The following PHACTR1 variants were observed in gnomAD, a reference collection of about 807,000 sequenced individuals.
PHACTR1 encodes the protein RPEL repeat containing 1.
A neutral mutation model predicts 69.2 loss-of-function variants in PHACTR1; 16 were observed. The observed-to-expected ratio is 0.23, with a 90% CI of 0.16 to 0.35. PHACTR1 has a LOEUF of 0.35. PHACTR1 is among the 10% of genes least tolerant of loss of function. The probability of loss-of-function intolerance (pLI) is 1.00; values close to 1 mark genes in which losing one functional copy is unlikely to be tolerated. For synonymous variants in PHACTR1, 312 were observed against 284.5 expected (o/e 1.10, Z -0.97); for missense variants, 510 against 734.7 (o/e 0.69, Z 3.54).
chr6:12,769,994 T>G (rs1253076038), intron 4 of PHACTR1, among the ~76,000 whole-genome samples: 1 of 152,206 alleles, frequency 6.6e-6, no homozygotes, highest in Non-Finnish European at 1.5e-5. Context: ...ACATAAAAGA[T>G]GTGATATACC....
intron 4 of PHACTR1, among the ~76,000 whole-genome samples, chr6:12,890,571 G>T (rs1275580819): frequency 6.6e-6 from 1 of 152,104 alleles, no homozygotes; most frequent in Admixed American, 6.5e-5. Context: ...GGGCCACCTT[G>T]TTCCTGAACA....
At chr6:12,959,914 A>G (rs1792471342) in intron 4 of PHACTR1, among the ~76,000 whole-genome samples, 1 of 152,240 alleles carries the variant, frequency 6.6e-6, no homozygotes, top group Non-Finnish European at 1.5e-5. Flanking sequence ...AGTGTGAGAA[A>G]CAGTCTGAGA....
intron 10 of PHACTR1, among the ~76,000 whole-genome samples, chr6:13,244,911 A>C (rs1773384272): frequency 6.6e-6 from 1 of 152,240 alleles, no homozygotes; most frequent in Non-Finnish European, 1.5e-5. Flanking sequence ...GGAAGTGATA[A>C]GTGTCCATGA....
intron 4 of PHACTR1, among the ~76,000 whole-genome samples, chr6:12,966,671 C>G (rs552422922): frequency 6.6e-6 from 1 of 151,842 alleles, no homozygotes; most frequent in Non-Finnish European, 1.5e-5. Flanking sequence ...TTTAGGTTTT[C>G]TTGTTTTGTT....
intron 4 of PHACTR1, among the ~76,000 whole-genome samples, chr6:12,910,247 T>C (rs956803903): frequency 4.6e-5 from 7 of 152,170 alleles, no homozygotes; most frequent in Admixed American, 4.6e-4. Flanking sequence ...CCCTTTAGTG[T>C]ATCTATCAGC....
chr6:12,976,584 G>A (rs1233763103), intron 4 of PHACTR1, among the ~76,000 whole-genome samples: 5 of 152,128 alleles, frequency 3.3e-5, no homozygotes, highest in South Asian at 2.1e-4. Flanking sequence ...GTTACTCATC[G>A]TCAACCATGA....
chr6:13,148,476 CAA>C (rs1561901505), intron 5 of PHACTR1, among the ~76,000 whole-genome samples: 2 of 152,146 alleles, frequency 1.3e-5, no homozygotes, highest in African/African-American at 4.8e-5. Flanking sequence ...TAGCTGACCC[CAA>C]AATGCTTCAA....
At chr6:12,957,347 A>G (rs1043561740) in intron 4 of PHACTR1, 8 of 984,718 alleles carry the variant, frequency 8.1e-6, no homozygotes, top group Non-Finnish European at 9.6e-6. Context: ...ACAGCTGTAC[A>G]GGCTTGCTGA....
chr6:13,114,785 G>T (rs1817565542), intron 5 of PHACTR1, among the ~76,000 whole-genome samples: 1 of 152,154 alleles, frequency 6.6e-6, no homozygotes, highest in South Asian at 2.1e-4. Flanking sequence ...CAACAACAAA[G>T]AAATATCTGG....
At chr6:12,867,646 C>G (rs945952982) in intron 4 of PHACTR1, among the ~76,000 whole-genome samples, 1 of 152,170 alleles carries the variant, frequency 6.6e-6, no homozygotes, top group Non-Finnish European at 1.5e-5. Context: ...TTATCAGAGC[C>G]CTCTCCCAAT....
intron 5 of PHACTR1, among the ~76,000 whole-genome samples, chr6:13,076,027 C>CTTTTTT (rs398000515): frequency 9.9e-6 from 1 of 101,390 alleles, no homozygotes; most frequent in Non-Finnish European, 2.3e-5. Flanking sequence ...AAGGGAGCAT[C>CTTTTTT]TTTTTTTTTT....
chr6:12,908,421 G>C, intron 4 of PHACTR1, among the ~76,000 whole-genome samples: 1 of 152,104 alleles, frequency 6.6e-6, no homozygotes, highest in African/African-American at 2.4e-5. Context: ...CTTGGTGGCT[G>C]TCCCTAACGC....
chr6:12,945,801 T>A (rs766142657), intron 4 of PHACTR1, among the ~76,000 whole-genome samples: 13 of 151,822 alleles, frequency 8.6e-5, no homozygotes, highest in South Asian at 4.2e-4. Flanking sequence ...CCAACTTTAC[T>A]AAAAATACAA....
At chr6:12,832,196 C>G (rs756792966) in intron 4 of PHACTR1, among the ~76,000 whole-genome samples, 13 of 152,072 alleles carry the variant, frequency 8.5e-5, no homozygotes, top group African/African-American at 7.2e-5. Context: ...ATGGTGAAAT[C>G]TAGGGGTTCT....
At chr6:12,905,257 G>A (rs550870434) in intron 4 of PHACTR1, among the ~76,000 whole-genome samples, 2 of 152,294 alleles carry the variant, frequency 1.3e-5, no homozygotes, top group East Asian at 3.9e-4. Context: ...GGAAGTCAAA[G>A]GTTTGGTGGT....
chr6:12,859,944 G>A (rs545296875), intron 4 of PHACTR1, among the ~76,000 whole-genome samples: 4 of 152,104 alleles, frequency 2.6e-5, no homozygotes, highest in South Asian at 2.1e-4. Context: ...GTACCATTGC[G>A]CTTCCTGTAA....
chr6:12,963,521 A>T (rs1214232179), intron 4 of PHACTR1, among the ~76,000 whole-genome samples: 1 of 152,062 alleles, frequency 6.6e-6, no homozygotes, highest in Non-Finnish European at 1.5e-5. Context: ...AGGAGCACAC[A>T]TTTAGTAACT....
intron 3 of PHACTR1, among the ~76,000 whole-genome samples, chr6:12,749,258 A>G (rs1262247248): frequency 6.6e-6 from 1 of 152,216 alleles, no homozygotes; most frequent in Non-Finnish European, 1.5e-5. Context: ...CCCTTTCGCA[A>G]GAGCCTATCT....
intron 4 of PHACTR1, among the ~76,000 whole-genome samples, chr6:13,049,879 T>C (rs1454259533): frequency 2.0e-5 from 3 of 152,230 alleles, no homozygotes; most frequent in Admixed American, 6.5e-5. Context: ...AACAGGCTTC[T>C]AGTAAAAGTA....
Sources: allele counts gnomAD v4.1 joint callset (sites outside exome capture counted in the v4.1 genomes callset), GRCh38; gene constraint gnomAD v4.1.1; transcripts MANE v1.5; gene names NCBI Gene and HGNC (gene_info 2026-07-23, HGNC 2026-07-21).